PC: variants seen among roughly 807,000 people sequenced by gnomAD.
PC encodes the protein pyruvate carboxylase, mitochondrial.
Under a neutral mutation model 107.8 loss-of-function variants are expected in PC, and 46 were observed. That is an observed-to-expected ratio of 0.43 (90% CI 0.34 to 0.55). The LOEUF is 0.55. PC is among the 20% of genes least tolerant of loss of function. The pLI, the probability that PC is intolerant of heterozygous loss-of-function variation, is 0.04. For missense variants in PC, 1,241 were observed against 1,643.1 expected (o/e 0.76, Z 4.23); for synonymous variants, 662 against 684.7 (o/e 0.97, Z 0.52).
At chr11:66,850,575 G>C in intron 18 of PC, 99 bp downstream of exon 18, 2 of 1,603,402 alleles carry the variant, frequency 1.2e-6, no homozygotes, top group South Asian at 1.1e-5. Context: ...GGCAAGGCCA[G>C]AGCAGGGCAT....
At chr11:66,897,750 A>T (rs1799200034) in intron 3 of PC, among the ~76,000 whole-genome samples, 1 of 152,150 alleles carries the variant, frequency 6.6e-6, no homozygotes, top group Admixed American at 6.5e-5. Context: ...TAGCGAGTAC[A>T]GGTCATGTAT....
rs373798593 is a variant in PC, at chr11:66,919,294, T to TAC, written c.-1+33135_-1+33136insGT. ...AGCCAGGCGTGGTGGCACATGCCTG[T>TAC]AATCCCAGCTACTCGGGAGGCTGAG... On this transcript the variant is annotated intron_variant, in intron 3 of 22. Coordinates refer to ENST00000393960, the MANE Select transcript of PC (RefSeq NM_001040716.2). Among the ~76,000 whole-genome samples the TAC allele has an allele frequency of 2.6e-3, 394 of 152,222 alleles. 3 individuals are homozygous for TAC. Among genetic ancestry groups the TAC allele is most frequent in the African/African-American group, 9.0e-3 (375 of 41,532 alleles).
chr11:66,877,935 CCTT>C (rs1189673407), intron 3 of PC, among the ~76,000 whole-genome samples: 1 of 152,152 alleles, frequency 6.6e-6, no homozygotes, highest in African/African-American at 2.4e-5. Flanking sequence ...GTGTTTTCCT[CCTT>C]CTTTATGCTT....
At chr11:66,918,298 G>A (rs1454366246) in intron 3 of PC, among the ~76,000 whole-genome samples, 1 of 137,360 alleles carries the variant, frequency 7.3e-6, no homozygotes, top group African/African-American at 2.5e-5. Flanking sequence ...ACTTTGGGAG[G>A]CTGAGGCAGG....
chr11:66,898,509 A>C (rs561255883), intron 3 of PC, among the ~76,000 whole-genome samples: 1 of 152,232 alleles, frequency 6.6e-6, no homozygotes, highest in Admixed American at 6.5e-5. Flanking sequence ...GCAAAACCCC[A>C]TCTCTACTAA....
At chr11:66,849,582 G>C (rs758418733) in intron 21 of PC, 29 bp downstream of exon 21, 1 of 1,613,970 alleles carries the variant, frequency 6.2e-7, no homozygotes, top group African/African-American at 1.3e-5. Context: ...GGCCAGGGTG[G>C]AGTGTGGAGA....
chr11:66,856,036 C>T (rs1945793133), intron 12 of PC, among the ~76,000 whole-genome samples: 1 of 151,728 alleles, frequency 6.6e-6, no homozygotes, highest in South Asian at 2.1e-4. Flanking sequence ...CTTCCTGTTT[C>T]CCAACTGGGC....
Position 66,870,325 on chromosome 11 carries a change from C to T in PC, c.880G>A (p.Asp294Asn), listed in dbSNP as rs756789197. ...DPQLRTRLTSDSVKLAKQVGY... is the reference protein window; with the variant it reads ...DPQLRTRLTSNSVKLAKQVGY... ...ACCTGTTTAGCGAGTTTCACAGAGT[C>T]GCTGGTGAGCCGAGTCCGAAGCTGC... Residue 294 changes from aspartate (D) to asparagine (N), a missense_variant, in exon 9 of 23, where the codon GAC becomes AAC. Coordinates refer to ENST00000393960, the MANE Select transcript of PC (RefSeq NM_001040716.2). The surrounding 1 kb of genome is among the most constrained non-coding windows in gnomAD (Gnocchi z 6.1). 11 of 1,613,414 alleles carry T rather than the reference C, an allele frequency of 6.8e-6. No individual in the cohort carries two copies. Among genetic ancestry groups the T allele is most frequent in the African/African-American group, 4.0e-5 (3 of 74,894 alleles).
chr11:66,871,510 A>C lies in PC; in HGVS notation c.322-30T>G. Reference sequence around the variant, plus strand: ...AGGTGGGGGTCAGGGAGAGGACGGTACCTTGCAGTCCCTTCCAAGGCCTCG... The same window carrying C: ...AGGTGGGGGTCAGGGAGAGGACGGTCCCTTGCAGTCCCTTCCAAGGCCTCG... On this transcript the variant is annotated intron_variant, in intron 5 of 22. Coordinates refer to ENST00000393960, the MANE Select transcript of PC (RefSeq NM_001040716.2). The surrounding 1 kb of genome is among the most constrained non-coding windows in gnomAD (Gnocchi z 7.4). 1 of 1,612,510 alleles carries C rather than the reference A, an allele frequency of 6.2e-7. No individual in the cohort carries two copies. Among genetic ancestry groups the C allele is most frequent in the Non-Finnish European group, 8.5e-7 (1 of 1,179,694 alleles).
chr11:66,873,816 G>A (rs1946875652), intron 3 of PC, among the ~76,000 whole-genome samples: 1 of 151,574 alleles, frequency 6.6e-6, no homozygotes, highest in Admixed American at 6.6e-5. Flanking sequence ...TGCCCAGGCT[G>A]GAGTGCAATG....
At chr11:66,925,270 C>T (rs1230270294) in intron 3 of PC, among the ~76,000 whole-genome samples, 2 of 152,148 alleles carry the variant, frequency 1.3e-5, no homozygotes, top group African/African-American at 2.4e-5. Context: ...GGAATTTCCT[C>T]GTCCTAATAA....
intron 3 of PC, among the ~76,000 whole-genome samples, chr11:66,949,153 C>A (rs1288039180): frequency 6.6e-6 from 1 of 150,838 alleles, no homozygotes; most frequent in Admixed American, 6.6e-5. Flanking sequence ...ACCACCACAC[C>A]CAGCTAATTT....
Position 66,866,359 on chromosome 11 carries a change from A to C in PC, c.1023-10T>G. The C allele has an allele frequency of 8.0e-7, 1 of 1,253,020 alleles. No individual in the cohort carries two copies. 77.6% of individuals were successfully genotyped at this position (1,253,020 alleles called of 1,614,324 possible). A position where few individuals can be genotyped will look rare whatever the true frequency, so the allele number is the denominator to read the frequency against. ...ATGGACCAGGTCTACGCTGTAGGGCATTGGGGGGAGGGGGGAAAGGACGGG... is the reference window on the plus strand; with the variant it reads ...ATGGACCAGGTCTACGCTGTAGGGCCTTGGGGGGAGGGGGGAAAGGACGGG... On this transcript the variant is annotated splice_polypyrimidine_tract_variant and intron_variant, in intron 10 of 22. Transcript: ENST00000393960. This position sits in a 1 kb window ranked among gnomAD's most constrained non-coding sequence, Gnocchi z 5.4.
At position 66,850,453 on chromosome 11, in the gene PC, C is replaced by A; in HGVS notation, c.2485G>T (p.Glu829Ter). 6.2e-7 allele frequency: 1 copy of A among 1,613,918 alleles called. No homozygotes were observed. The highest frequency in any genetic ancestry group is 1.1e-5 in the South Asian group (1 of 91,078). Residue 829 changes from glutamate (E) to a stop codon, truncating the protein, a stop_gained, in exon 19 of 23, where the codon GAG becomes TAG. Transcript: ENST00000393960. LOFTEE classifies it high-confidence loss of function. ...TACTCACTGTAGTCAAACACGCGCTCCATGGGCACCTCTGCAGGGAGGCCA... is the reference window on the plus strand; with the variant it reads ...TACTCACTGTAGTCAAACACGCGCTACATGGGCACCTCTGCAGGGAGGCCA... The part of the protein sequence containing the change: ...GTPLDTEVPM[E>*]RVFDYSEYWE...
chr11:66,850,563 G>T, intron 18 of PC, 99 bp from the exon 19 acceptor site: 1 of 1,605,056 alleles, frequency 6.2e-7, no homozygotes, highest in Non-Finnish European at 8.5e-7. Flanking sequence ...GTGACAGAAG[G>T]CGGCAAGGCC....
At chr11:66,876,856 C>T (rs548038498) in intron 3 of PC, among the ~76,000 whole-genome samples, 12 of 152,246 alleles carry the variant, frequency 7.9e-5, no homozygotes, top group South Asian at 2.1e-4. Flanking sequence ...CAGGAAGAGG[C>T]GAGGGGAGCC....
At chr11:66,883,720 TA>T (rs1180544942) in intron 3 of PC, among the ~76,000 whole-genome samples, 4 of 152,096 alleles carry the variant, frequency 2.6e-5, no homozygotes, top group Non-Finnish European at 4.4e-5. Flanking sequence ...CAGAACTAAA[TA>T]AATGTCTGAG....
In PC at chr11:66,953,766, A is replaced by T. The variant is rs533843232; in HGVS notation, c.-40+483T>A. ...AAGTTGTTAGGGGCTGGTTAAAAGA[A>T]GCAAAAATGGGATGGCACGTGAGAG... On this transcript the variant is annotated intron_variant, in intron 2 of 22. Transcript: ENST00000393960. Among the ~76,000 whole-genome samples, 10 of 152,318 alleles carry T rather than the reference A, an allele frequency of 6.6e-5. No homozygotes were observed. The South Asian group carries it at 2.1e-3, about 32-fold the overall frequency.
chr11:66,856,153 C>T (rs1316147842), intron 12 of PC, among the ~76,000 whole-genome samples: 1 of 152,242 alleles, frequency 6.6e-6, no homozygotes, highest in Non-Finnish European at 1.5e-5. Flanking sequence ...CACCTCACGC[C>T]GGGAGCCCTT....
Sources: gnomAD v4.1 joint callset for allele counts (sites outside exome capture counted in the v4.1 genomes callset) on GRCh38, gnomAD v4.1.1 for gene constraint, Gnocchi (gnomAD v3.1) non-coding constraint, MANE v1.5 for transcripts, NCBI Gene and HGNC (gene_info 2026-07-23, HGNC 2026-07-21) for gene names.